The following COL6A6 variants were observed in gnomAD, a reference collection of about 807,000 sequenced individuals.
COL6A6 encodes the protein collagen type VI alpha 6 chain, also known as collagen alpha-6(VI) chain.
COL6A6 carries 183 observed loss-of-function variants against 208.6 expected under a neutral mutation model. That is an observed-to-expected ratio of 0.88 (90% CI 0.78 to 0.99). COL6A6 has a LOEUF of 0.99. COL6A6 is among the 50% of genes least tolerant of loss of function. The pLI is 0.00. For synonymous variants in COL6A6, 973 were observed against 1,011.8 expected (o/e 0.96, Z 0.73); for missense variants, 2,816 against 2,815.2 (o/e 1.00, Z -0.01).
At chr3:130,531,031 C>CACACAG (rs1559954500) in intron 1 of COL6A6, among the ~76,000 whole-genome samples, 29 of 20,880 alleles carry the variant, frequency 1.4e-3, no homozygotes, top group African/African-American at 2.8e-3. Flanking sequence ...CACACACACA[C>CACACAG]ACACACAGAC....
intron 23 of COL6A6, among the ~76,000 whole-genome samples, chr3:130,614,256 A>G (rs1170827642): frequency 6.6e-6 from 1 of 152,156 alleles, no homozygotes; most frequent in African/African-American, 2.4e-5. Context: ...TTCTCCATTT[A>G]TTGAGATAAT....
At chr3:130,570,064 C>G (rs560595198) in intron 6 of COL6A6, among the ~76,000 whole-genome samples, 3 of 152,352 alleles carry the variant, frequency 2.0e-5, no homozygotes, top group South Asian at 4.1e-4. Flanking sequence ...AATTCCCCTT[C>G]TCCAGAATGG....
rs185987449 is a variant in COL6A6 at position 130,644,165 on chromosome 3, T to C, written c.5228-826T>C. Reference sequence around the variant, plus strand: ...AAAAAGAAATCATAACCATTAACTTTTGCATATTTTATTTTATAAGAGTAT... The same window carrying C: ...AAAAAGAAATCATAACCATTAACTTCTGCATATTTTATTTTATAAGAGTAT... On this transcript the variant is annotated intron_variant, in intron 31 of 36. Transcript: ENST00000358511. Among the ~76,000 whole-genome samples, 261 of 152,362 alleles carry C rather than the reference T, an allele frequency of 1.7e-3. 1 individual carries two copies. The highest frequency in any genetic ancestry group is 0.014 in the Middle Eastern group (4 of 294).
At chr3:130,542,898 C>CTTTTTTTTTTTTTTTTTTT (rs56339748) in intron 1 of COL6A6, among the ~76,000 whole-genome samples, 1 of 92,614 alleles carries the variant, frequency 1.1e-5, no homozygotes, top group African/African-American at 4.1e-5. Flanking sequence ...TCCATTCACT[C>CTTTTTTTTTTTTTTTTTTT]TTTTTTTTTT....
intron 8 of COL6A6, 128 bp from the exon 9 acceptor site, chr3:130,581,433 A>G: frequency 1.6e-6 from 1 of 618,188 alleles, no homozygotes; most frequent in Non-Finnish European, 2.8e-6. Context: ...TTATTCATTT[A>G]TGCCTTTCTT....
At chr3:130,531,634 CAG>C (rs759346300) in intron 1 of COL6A6, among the ~76,000 whole-genome samples, 371 of 152,320 alleles carry the variant, frequency 2.4e-3, no homozygotes, top group Non-Finnish European at 4.0e-3. Flanking sequence ...TGTCTTTTCA[CAG>C]AGTTTTCTAA....
intron 1 of COL6A6, among the ~76,000 whole-genome samples, chr3:130,545,031 C>A (rs952553551): frequency 1.3e-5 from 2 of 152,092 alleles, no homozygotes; most frequent in Non-Finnish European, 2.9e-5. Flanking sequence ...GTATGCCCAT[C>A]TATTTTTTAT....
intron 24 of COL6A6, among the ~76,000 whole-genome samples, chr3:130,622,563 A>C (rs975197982): frequency 2.8e-4 from 43 of 152,196 alleles, no homozygotes; most frequent in Admixed American, 3.9e-4. Context: ...CATCATAGAA[A>C]ATACAGACTT....
At chr3:130,577,477 T>A (rs1337142341) in intron 8 of COL6A6, among the ~76,000 whole-genome samples, 1 of 152,254 alleles carries the variant, frequency 6.6e-6, no homozygotes, top group Non-Finnish European at 1.5e-5. Flanking sequence ...TAGGGTTGTA[T>A]CTTTGAAATT....
At chr3:130,606,625 C>T (rs2064190257) in intron 20 of COL6A6, among the ~76,000 whole-genome samples, 1 of 152,138 alleles carries the variant, frequency 6.6e-6, no homozygotes, top group South Asian at 2.1e-4. Context: ...GTGAACAGCT[C>T]TAGTAAAAGT....
intron 30 of COL6A6, 21 bp downstream of exon 30, chr3:130,642,888 A>G (rs200961975): frequency 2.5e-6 from 4 of 1,613,722 alleles, no homozygotes. Flanking sequence ...CCCGACTACA[A>G]CAGAGTGCTC....
Position 130,593,106 on chromosome 3 carries a change from G to A in COL6A6, c.4416+1G>A, listed in dbSNP as rs1162309019. 3 of 1,613,592 alleles carry A rather than the reference G, an allele frequency of 1.9e-6. No homozygotes were observed. The highest frequency in any genetic ancestry group is 1.7e-5 in the Admixed American group (1 of 60,028). On this transcript the variant is annotated splice_donor_variant, in intron 16 of 36. Coordinates refer to ENST00000358511, the MANE Select transcript of COL6A6 (RefSeq NM_001102608.3). LOFTEE classifies it high-confidence loss of function. ...AATTGACGGATTAAACGGAGAACAG[G>A]TAGAGCCTTCTTGTACCATAGAGAC...
intron 36 of COL6A6, among the ~76,000 whole-genome samples, chr3:130,672,978 C>G (rs2066257811): frequency 6.8e-6 from 1 of 147,158 alleles, no homozygotes. Context: ...GCCACTGCAC[C>G]TCCAGCCTGG....
chr3:130,622,837 AC>A lies in COL6A6; in HGVS notation c.4878+955del, dbSNP rs1397286872. On this transcript the variant is annotated intron_variant, in intron 24 of 36. Transcript: ENST00000358511. ...GCACCACCGCACTCCAGCCTGGGCG[AC>A]AGAGCGAGACTCTGTCTCAAAGAAA... is the stretch of plus-strand genomic sequence containing the variant. 2.6e-5 allele frequency among the ~76,000 whole-genome samples: 4 copies of A among 152,150 alleles called. No homozygotes were observed. In the East Asian group the frequency reaches 7.8e-4, roughly 30 times the overall value.
chr3:130,601,437 A>C (rs1321241826), intron 20 of COL6A6, among the ~76,000 whole-genome samples: 1 of 152,212 alleles, frequency 6.6e-6, no homozygotes, highest in African/African-American at 2.4e-5. Context: ...TGCTTTACTA[A>C]TGCAGTTTCA....
Position 130,560,479 on chromosome 3 carries a change from A to C in COL6A6, c.64+51A>C, listed in dbSNP as rs1013040948. 5 of 1,482,716 alleles carry C rather than the reference A, an allele frequency of 3.4e-6. No homozygotes were observed. The African/African-American group carries it at 7.0e-5, about 21-fold the overall frequency. 91.8% of individuals were successfully genotyped at this position (1,482,716 alleles called of 1,614,324 possible). On this transcript the variant is annotated intron_variant, in intron 2 of 36. Transcript: ENST00000358511. ...TAATTTTGATTATAGAAAATAGATA[A>C]TACATGAGTTTGACCTATTTAAAAG...
At chr3:130,569,728 AG>A (rs1459787578) in intron 6 of COL6A6, among the ~76,000 whole-genome samples, 2 of 152,188 alleles carry the variant, frequency 1.3e-5, no homozygotes, top group Non-Finnish European at 1.5e-5. Context: ...TAATCCAAGC[AG>A]GCTTCCCAGG....
intron 33 of COL6A6, among the ~76,000 whole-genome samples, chr3:130,652,735 A>C (rs2065681660): frequency 6.6e-6 from 1 of 152,198 alleles, no homozygotes; most frequent in Admixed American, 6.5e-5. Context: ...TGCTTTACCT[A>C]CATTTAAACT....
At chr3:130,607,572 TTAAAGA>T (rs1464543410) in intron 21 of COL6A6, among the ~76,000 whole-genome samples, 1 of 152,082 alleles carries the variant, frequency 6.6e-6, no homozygotes, top group Non-Finnish European at 1.5e-5. Flanking sequence ...CTCCAGAATG[TTAAAGA>T]TAAAAAGCAT....
Sources: allele counts gnomAD v4.1 joint callset (sites outside exome capture counted in the v4.1 genomes callset), GRCh38; gene constraint gnomAD v4.1.1; transcripts MANE v1.5; gene names NCBI Gene and HGNC (gene_info 2026-07-23, HGNC 2026-07-21).